BRINP2: variants seen among roughly 807,000 people sequenced by gnomAD.
BRINP2 encodes the protein BMP/retinoic acid-inducible neural-specific protein 2.
BRINP2 carries 21 observed loss-of-function variants against 69.2 expected under a neutral mutation model. The ratio of observed to expected loss-of-function variants is 0.30; its 90% CI spans 0.22 to 0.44. The LOEUF (loss-of-function observed/expected upper bound fraction) is 0.44. Ranked by LOEUF, BRINP2 falls within the 20% of genes least tolerant of loss-of-function variation. BRINP2 has a pLI of 1.00. For synonymous variants in BRINP2, 380 were observed against 394.1 expected (o/e 0.96, Z 0.42); for missense variants, 877 against 986.0 (o/e 0.89, Z 1.48).
At chr1:177,208,876 G>A (rs1427587484) in intron 1 of BRINP2, among the ~76,000 whole-genome samples, 1 of 152,114 alleles carries the variant, frequency 6.6e-6, no homozygotes, top group Non-Finnish European at 1.5e-5. Context: ...GTACTCCAGG[G>A]GTGTGTTGAT....
rs150591966 is a variant in BRINP2, at chr1:177,190,767, G to T, written c.-77+19035G>T. Among the ~76,000 whole-genome samples the T allele has an allele frequency of 3.0e-4, 45 of 152,282 alleles. No homozygotes were observed. In the East Asian group the frequency reaches 8.5e-3, roughly 29 times the overall value. On this transcript the variant is annotated intron_variant, in intron 1 of 7. Coordinates refer to ENST00000361539, the MANE Select transcript of BRINP2 (RefSeq NM_021165.4). Reference sequence around the variant, plus strand: ...AGACAACAGACTCCAGGGTCAGATTGCCTGGTTTCAGTTCTGGGCTTCATT... The same window carrying T: ...AGACAACAGACTCCAGGGTCAGATTTCCTGGTTTCAGTTCTGGGCTTCATT...
At chr1:177,199,276 T>C (rs548264271) in intron 1 of BRINP2, among the ~76,000 whole-genome samples, 6 of 152,278 alleles carry the variant, frequency 3.9e-5, no homozygotes, top group Admixed American at 3.9e-4. Context: ...AGGGTGGTGG[T>C]TTTGGTTTCC....
intron 4 of BRINP2, among the ~76,000 whole-genome samples, chr1:177,263,210 A>G (rs1651013424): frequency 6.6e-6 from 1 of 152,204 alleles, no homozygotes; most frequent in Non-Finnish European, 1.5e-5. Context: ...AAGAGACTAG[A>G]GCAAGTATGA....
At chr1:177,200,127 A>G (rs939189849) in intron 1 of BRINP2, among the ~76,000 whole-genome samples, 1 of 151,642 alleles carries the variant, frequency 6.6e-6, no homozygotes, top group South Asian at 2.1e-4. Flanking sequence ...CCCCATCTCT[A>G]TTAAAAAATA....
chr1:177,233,682 T>A (rs556575979), intron 2 of BRINP2, among the ~76,000 whole-genome samples: 1 of 152,306 alleles, frequency 6.6e-6, no homozygotes, highest in Admixed American at 6.5e-5. Context: ...AATAATTGGA[T>A]CTTCTCTGGG....
intron 2 of BRINP2, among the ~76,000 whole-genome samples, chr1:177,248,969 T>C (rs1451332703): frequency 6.6e-6 from 1 of 152,134 alleles, no homozygotes; most frequent in African/African-American, 2.4e-5. Context: ...TCAACTCTCT[T>C]ATTGCAGGGC....
At chr1:177,172,090 G>A (rs574079927) in intron 1 of BRINP2, among the ~76,000 whole-genome samples, 1 of 152,336 alleles carries the variant, frequency 6.6e-6, no homozygotes, top group South Asian at 2.1e-4. Context: ...AAGATGACGA[G>A]GACTTTTGCC....
chr1:177,240,402 C>G (rs1571923629), intron 2 of BRINP2, among the ~76,000 whole-genome samples: 1 of 152,154 alleles, frequency 6.6e-6, no homozygotes, highest in South Asian at 2.1e-4. Flanking sequence ...TTACATGCTG[C>G]ATACATGGAT....
intron 4 of BRINP2, among the ~76,000 whole-genome samples, chr1:177,266,268 T>G (rs1364545893): frequency 1.3e-5 from 2 of 152,174 alleles, no homozygotes; most frequent in Non-Finnish European, 2.9e-5. Context: ...CCTTTGGTAC[T>G]TTTCTCAGCC....
At chr1:177,278,122 T>C (rs115818445) in intron 6 of BRINP2, among the ~76,000 whole-genome samples, 2,285 of 152,262 alleles carry the variant, frequency 0.015, 57 homozygotes, top group African/African-American at 0.051. Context: ...TGCCCACATG[T>C]GCCAGTCTGG....
intron 1 of BRINP2, among the ~76,000 whole-genome samples, chr1:177,202,762 C>T (rs993607584): frequency 2.0e-5 from 3 of 152,110 alleles, no homozygotes; most frequent in African/African-American, 7.2e-5. Context: ...AAATGCAAAT[C>T]GAAACCGCAG....
chr1:177,276,710 G>A (rs1334685650), intron 6 of BRINP2, among the ~76,000 whole-genome samples: 1 of 152,182 alleles, frequency 6.6e-6, no homozygotes, highest in African/African-American at 2.4e-5. Flanking sequence ...GACCTTGTTT[G>A]TCTTTTTTGC....
chr1:177,235,594 C>T (rs2102329321), intron 2 of BRINP2, among the ~76,000 whole-genome samples: 1 of 152,266 alleles, frequency 6.6e-6, no homozygotes, highest in African/African-American at 2.4e-5. Context: ...ACAGGAGGAG[C>T]TCCAGAGCTG....
chr1:177,276,312 G>A lies in BRINP2; in HGVS notation c.890G>A (p.Cys297Tyr). The change falls in exon 6 of 8, where the codon TGC becomes TAC. Residue 297 changes from cysteine (C) to tyrosine (Y), a missense_variant. Around this residue, in one of 3 missense-constraint regions of BRINP2, gnomAD observed 566 missense variants for 625.2 expected, o/e 0.91. Transcript: ENST00000361539. The part of the protein sequence containing the change: ...ELVCKENDCW[C>Y]KCSPTFPECN... ...GTCTGCAAGGAGAATGACTGCTGGT[G>A]CAAGTGCAGCCCCACCTTCCCTGAA... The A allele has an allele frequency of 1.2e-6, 2 of 1,614,224 alleles. No homozygotes were observed. Among genetic ancestry groups the A allele is most frequent in the Non-Finnish European group, 1.7e-6 (2 of 1,180,050 alleles).
chr1:177,257,450 G>A, intron 4 of BRINP2, 66 bp downstream of exon 4: 2 of 1,435,372 alleles, frequency 1.4e-6, no homozygotes, highest in Non-Finnish European at 1.9e-6. Flanking sequence ...GGAGGCCAGA[G>A]CCTCAACCAT....
intron 1 of BRINP2, among the ~76,000 whole-genome samples, chr1:177,224,248 G>C (rs1243107041): frequency 6.6e-6 from 1 of 152,248 alleles, no homozygotes; most frequent in East Asian, 1.9e-4. Context: ...CCTCAACAGA[G>C]TTGGCCAATT....
chr1:177,259,643 A>G (rs1336315601), intron 4 of BRINP2, among the ~76,000 whole-genome samples: 2 of 152,194 alleles, frequency 1.3e-5, no homozygotes, highest in African/African-American at 4.8e-5. Context: ...TTTAAATTGA[A>G]GCCAAGACTC....
chr1:177,186,546 C>T (rs1193434406), intron 1 of BRINP2, among the ~76,000 whole-genome samples: 2 of 152,006 alleles, frequency 1.3e-5, no homozygotes, highest in African/African-American at 2.4e-5. Flanking sequence ...TGAGATCGCT[C>T]CTTGTCTGTG....
chr1:177,232,445 A>T (rs1356951692), intron 2 of BRINP2, among the ~76,000 whole-genome samples: 1 of 152,192 alleles, frequency 6.6e-6, no homozygotes, highest in Admixed American at 6.5e-5. Flanking sequence ...TACTTGAGGA[A>T]ACAGTAACCA....
Sources: allele counts gnomAD v4.1 joint callset (sites outside exome capture counted in the v4.1 genomes callset), GRCh38; gene constraint gnomAD v4.1.1; regional missense constraint gnomAD v4.1.1; transcripts MANE v1.5; gene names NCBI Gene and HGNC (gene_info 2026-07-23, HGNC 2026-07-21).